MYOM2: variants seen among roughly 807,000 people sequenced by gnomAD.
MYOM2 encodes the protein myomesin-2.
MYOM2 carries 254 observed loss-of-function variants against 187.6 expected under a neutral mutation model. The ratio of observed to expected loss-of-function variants is 1.35; its 90% confidence interval spans 1.22 to 1.50. The LOEUF is 1.50. Ranked by LOEUF, MYOM2 falls within the 40% of genes most tolerant of loss-of-function variation. MYOM2 has a pLI of 0.00. For missense variants in MYOM2, 2,796 were observed against 1,924.0 expected (o/e 1.45, Z -8.48); for synonymous variants, 981 against 753.8 (o/e 1.30, Z -4.94).
chr8:2,101,097 G>C (rs754046019), intron 20 of MYOM2, 43 bp downstream of exon 20: 3 of 1,599,580 alleles, frequency 1.9e-6, no homozygotes, highest in Non-Finnish European at 2.6e-6. Context: ...TGTAATCCCA[G>C]CACTTTGGGA....
At chr8:2,052,591 A>G (rs1818529376) in intron 3 of MYOM2, among the ~76,000 whole-genome samples, 1 of 152,234 alleles carries the variant, frequency 6.6e-6, no homozygotes, top group South Asian at 2.1e-4. Context: ...GCCACTGCCC[A>G]GGATTCCATG....
intron 1 of MYOM2, among the ~76,000 whole-genome samples, chr8:2,047,891 G>C (rs77589383): frequency 0.036 from 5,508 of 152,302 alleles, 211 homozygotes; most frequent in East Asian, 0.12. Context: ...TGTCACGTCA[G>C]TGATACATAG....
intron 25 of MYOM2, among the ~76,000 whole-genome samples, chr8:2,113,668 G>T (rs980396111): frequency 5.9e-5 from 9 of 152,174 alleles, no homozygotes; most frequent in African/African-American, 1.9e-4. Flanking sequence ...GGCTTCTCAG[G>T]TCTGCACTGG....
rs1303604409 is a variant in MYOM2, at chr8:2,072,425, G to T, written c.874G>T (p.Gly292Cys). ...GTTTGGGGTCACCTTCAGGAGGGAA[G>T]GCGAGACGGTCACTCTCAAGTGCAC... ...EKFGVTFRREGETVTLKCTML... is the reference protein window; with the variant it reads ...EKFGVTFRRECETVTLKCTML... The change falls in exon 9 of 37, where the codon GGC (glycine) becomes TGC (cysteine). Residue 292 changes from glycine to cysteine, a missense_variant. Gly to Cys is a radical substitution (Grantham distance 159, BLOSUM62 -3). Coordinates refer to ENST00000262113, the MANE Select transcript of MYOM2 (RefSeq NM_003970.4). The T allele has an allele frequency of 1.2e-6, 2 of 1,614,086 alleles. No homozygotes were observed. Among genetic ancestry groups the T allele is most frequent in the South Asian group, 2.2e-5 (2 of 91,090 alleles).
chr8:2,083,432 T>G (rs1177852006), intron 13 of MYOM2, among the ~76,000 whole-genome samples: 1 of 151,106 alleles, frequency 6.6e-6, no homozygotes, highest in Non-Finnish European at 1.5e-5. Context: ...TAGCAGTATC[T>G]CATGTGTGCT....
chr8:2,057,998 GTTTTTTTTTTTTTTT>G (rs572901199), intron 5 of MYOM2, among the ~76,000 whole-genome samples: 8 of 80,716 alleles, frequency 9.9e-5, no homozygotes, highest in African/African-American at 1.4e-4. Flanking sequence ...TTTTCAGAGG[GTTTTTTTTTTTTTTT>G]TTTTTTTTTT....
intron 25 of MYOM2, among the ~76,000 whole-genome samples, chr8:2,110,089 G>A (rs1282362799): frequency 2.0e-5 from 3 of 152,186 alleles, no homozygotes; most frequent in East Asian, 1.9e-4. Context: ...TTGGGAGGCC[G>A]AGATGGGGGC....
intron 31 of MYOM2, among the ~76,000 whole-genome samples, chr8:2,125,188 C>T (rs758979209): frequency 6.6e-6 from 1 of 152,224 alleles, no homozygotes; most frequent in African/African-American, 2.4e-5. Flanking sequence ...GCATCTCCCC[C>T]ACGAGCTTCC....
Position 2,079,979 on chromosome 8 carries a change from C to T in MYOM2, c.1516+366C>T, listed in dbSNP as rs181011588. 4.6e-5 allele frequency among the ~76,000 whole-genome samples: 7 copies of T among 152,282 alleles called. No individual in the cohort carries two copies. The East Asian group carries it at 1.4e-3, about 29-fold the overall frequency. On this transcript the variant is annotated intron_variant, in intron 13 of 36. Transcript: ENST00000262113. ...ACAGATTGCATTGTGAAATCGATTTCATTTTACATTTTCTAAGCAAAAATT... is the reference window on the plus strand; with the variant it reads ...ACAGATTGCATTGTGAAATCGATTTTATTTTACATTTTCTAAGCAAAAATT...
chr8:2,052,119 C>T, intron 2 of MYOM2, 39 bp from the exon 3 acceptor site: 1 of 1,610,258 alleles, frequency 6.2e-7, no homozygotes, highest in East Asian at 2.2e-5. Context: ...CATACTGTGC[C>T]TGAGCATGCA....
intron 13 of MYOM2, among the ~76,000 whole-genome samples, chr8:2,081,195 A>G (rs1819614209): frequency 1.1e-5 from 1 of 92,284 alleles, no homozygotes; most frequent in Admixed American, 1.1e-4. Context: ...AGGAACAGGC[A>G]GCCCAGCCCG....
rs572943937 is a variant in MYOM2 at position 2,135,362 on chromosome 8, T to A, written c.3801-5361T>A. ...GCAATTCATTTGCAACATAGTTATGTTCATTTGTTACTGTTCGTATTTTGT... is the reference window on the plus strand; with the variant it reads ...GCAATTCATTTGCAACATAGTTATGATCATTTGTTACTGTTCGTATTTTGT... On this transcript the variant is annotated intron_variant, in intron 32 of 36. Coordinates refer to ENST00000262113, the MANE Select transcript of MYOM2 (RefSeq NM_003970.4). 5.3e-5 allele frequency among the ~76,000 whole-genome samples: 8 copies of A among 152,316 alleles called. No individual in the cohort carries two copies. In the East Asian group the frequency reaches 1.4e-3, roughly 26 times the overall value.
chr8:2,068,337 G>A (rs890014932), intron 6 of MYOM2, among the ~76,000 whole-genome samples: 8 of 151,028 alleles, frequency 5.3e-5, no homozygotes, highest in African/African-American at 2.0e-4. Flanking sequence ...AGAGCATCCC[G>A]GGGGCAGCTC....
rs1303604409 is a variant in MYOM2 at position 2,072,425 on chromosome 8, G to A, written c.874G>A (p.Gly292Ser). The change falls in exon 9 of 37, where the codon GGC (glycine) becomes AGC (serine). Residue 292 changes from glycine (G) to serine (S), a missense_variant. Physicochemically the swap from Gly to Ser is moderately conservative, Grantham distance 56 (BLOSUM62 0). Transcript: ENST00000262113. ...EKFGVTFRRE[G>S]ETVTLKCTML... ...GTTTGGGGTCACCTTCAGGAGGGAA[G>A]GCGAGACGGTCACTCTCAAGTGCAC... is the stretch of plus-strand genomic sequence containing the variant. 8 of 1,614,204 alleles carry A rather than the reference G, an allele frequency of 5.0e-6. No homozygotes were observed. Among genetic ancestry groups the A allele is most frequent in the South Asian group, 1.1e-5 (1 of 91,086 alleles).
chr8:2,129,196 A>G lies in MYOM2; in HGVS notation c.3764A>G (p.Tyr1255Cys), dbSNP rs1438896098. The change falls in exon 32 of 37, where the codon TAT becomes TGT. Residue 1255 changes from tyrosine to cysteine, a missense_variant. Physicochemically the swap from Tyr to Cys is radical, Grantham distance 194. Coordinates refer to ENST00000262113, the MANE Select transcript of MYOM2 (RefSeq NM_003970.4). ...EGIRLQCFMKYFTDEMKVNWC... is the reference protein window; with the variant it reads ...EGIRLQCFMKCFTDEMKVNWC... ...ATACGACTTCAGTGTTTCATGAAGT[A>G]TTTTACAGACGAAATGAAAGTGAAC... The G allele has an allele frequency of 1.2e-6, 2 of 1,611,452 alleles. No individual in the cohort carries two copies. Among genetic ancestry groups the G allele is most frequent in the Admixed American group, 1.7e-5 (1 of 59,980 alleles).
intron 6 of MYOM2, among the ~76,000 whole-genome samples, chr8:2,062,882 G>C (rs139908452): frequency 6.6e-6 from 1 of 152,150 alleles, no homozygotes; most frequent in African/African-American, 2.4e-5. Context: ...AAAACGTTGC[G>C]TTGACATCGG....
At position 2,109,492 on chromosome 8, in the gene MYOM2, C is replaced by T; in HGVS notation, c.3141C>T (p.Tyr1047=). Residue 1047 remains tyrosine, a synonymous_variant, in exon 25 of 37, where the codon TAC becomes TAT. Coordinates refer to ENST00000262113, the MANE Select transcript of MYOM2 (RefSeq NM_003970.4). ...QAEHLSPDAS[Y]RFIINDREVS... is the part of the protein sequence containing the mutation. ...AGCACTTATCACCAGATGCCAGCTA[C>T]CGATTTATTATTAACGACAGAGAAG... The T allele has an allele frequency of 3.1e-6, 5 of 1,613,340 alleles. No individual in the cohort carries two copies. The highest frequency in any genetic ancestry group is 4.2e-6 in the Non-Finnish European group (5 of 1,179,650).
intron 23 of MYOM2, among the ~76,000 whole-genome samples, chr8:2,108,316 C>T (rs1167917718): frequency 2.0e-5 from 3 of 149,700 alleles, no homozygotes; most frequent in Non-Finnish European, 4.4e-5. Flanking sequence ...CATGGTAATA[C>T]ACTATAGTGA....
At chr8:2,105,179 AGAGTGTGACCT>A (rs1796850596) in intron 21 of MYOM2, among the ~76,000 whole-genome samples, 1 of 152,158 alleles carries the variant, frequency 6.6e-6, no homozygotes, top group Non-Finnish European at 1.5e-5. Context: ...CCACAGCCCC[AGAGTGTGACCT>A]GAGTGTCAGG....
Sources: gnomAD v4.1 joint callset for allele counts (sites outside exome capture counted in the v4.1 genomes callset) on GRCh38, gnomAD v4.1.1 for gene constraint, MANE v1.5 for transcripts, NCBI Gene and HGNC (gene_info 2026-07-23, HGNC 2026-07-21) for gene names.